Variants in ARHGEF28 observed in about 807,000 individuals in gnomAD.
ARHGEF28 encodes the protein 190 kDa guanine nucleotide exchange factor.
In ARHGEF28, 152 loss-of-function variants were observed where a neutral mutation model predicts 206.6. The observed-to-expected ratio is 0.74, with a 90% CI of 0.64 to 0.84. The LOEUF is 0.84. ARHGEF28 is among the 40% of genes least tolerant of loss of function. The pLI is 0.00. For synonymous variants in ARHGEF28, 763 were observed against 776.4 expected (o/e 0.98, Z 0.29); for missense variants, 2,028 against 2,073.2 (o/e 0.98, Z 0.42).
intron 2 of ARHGEF28, among the ~76,000 whole-genome samples, chr5:73,726,007 A>C (rs1361737025): frequency 6.6e-6 from 1 of 152,242 alleles, no homozygotes; most frequent in Non-Finnish European, 1.5e-5. Flanking sequence ...TTAAACTAGC[A>C]GTCAAGGTGA....
At position 73,836,438 on chromosome 5, in the gene ARHGEF28, G is replaced by T. The variant is rs568993770; in HGVS notation, c.1146+3979G>T. 4.0e-5 allele frequency among the ~76,000 whole-genome samples: 6 copies of T among 151,570 alleles called. No individual in the cohort carries two copies. The South Asian group carries it at 6.2e-4, about 16-fold the overall frequency. ...TTGCATATACCTATTGGCCATTTGT[G>T]TGTGTCATTTTTTGGGAAAATGTCT... On this transcript the variant is annotated intron_variant, in intron 10 of 35. Coordinates refer to ENST00000513042, the MANE Select transcript of ARHGEF28 (RefSeq NM_001177693.2).
chr5:73,917,609 G>T (rs1398291818), intron 35 of ARHGEF28, among the ~76,000 whole-genome samples: 1 of 152,210 alleles, frequency 6.6e-6, no homozygotes, highest in Non-Finnish European at 1.5e-5. Context: ...CTAAGACACA[G>T]CAGGAGAGCA....
intron 1 of ARHGEF28, among the ~76,000 whole-genome samples, chr5:73,668,759 C>T (rs370398200): frequency 2.4e-5 from 1 of 41,008 alleles, no homozygotes; most frequent in Non-Finnish European, 5.1e-5. Flanking sequence ...AGTACTCTTA[C>T]TTGGAAACCC....
intron 26 of ARHGEF28, among the ~76,000 whole-genome samples, chr5:73,890,138 G>A (rs1024759625): frequency 6.6e-6 from 1 of 152,176 alleles, no homozygotes; most frequent in Non-Finnish European, 1.5e-5. Context: ...GTGTTTGTGC[G>A]TGGTTAGTAT....
At chr5:73,759,370 T>C (rs1260289042) in intron 4 of ARHGEF28, among the ~76,000 whole-genome samples, 1 of 152,192 alleles carries the variant, frequency 6.6e-6, no homozygotes. Flanking sequence ...GGCCCACACA[T>C]GTAATGTATA....
At chr5:73,874,519 T>C (rs1760316864) in intron 22 of ARHGEF28, among the ~76,000 whole-genome samples, 1 of 149,486 alleles carries the variant, frequency 6.7e-6, no homozygotes, top group Admixed American at 6.7e-5. Context: ...CTTTAACTCG[T>C]CATTTAGCAT....
chr5:73,766,297 T>C (rs1752898919), intron 4 of ARHGEF28, among the ~76,000 whole-genome samples: 1 of 152,250 alleles, frequency 6.6e-6, no homozygotes, highest in Admixed American at 6.5e-5. Context: ...TAACTTGTAT[T>C]GAAAAATATT....
intron 2 of ARHGEF28, among the ~76,000 whole-genome samples, chr5:73,694,843 G>T (rs957310649): frequency 1.3e-5 from 2 of 152,258 alleles, no homozygotes; most frequent in Admixed American, 6.5e-5. Context: ...GCCATGCACT[G>T]TAAGAGCAGA....
chr5:73,650,327 C>G (rs1205519390), intron 1 of ARHGEF28, among the ~76,000 whole-genome samples: 1 of 136,332 alleles, frequency 7.3e-6, no homozygotes, highest in Non-Finnish European at 1.5e-5. Flanking sequence ...TTCTGTCACC[C>G]AGGCTGGAGT....
At chr5:73,852,587 G>T (rs1449091192) in intron 13 of ARHGEF28, 63 bp from the exon 14 acceptor site, 2 of 1,448,720 alleles carry the variant, frequency 1.4e-6, no homozygotes, top group Non-Finnish European at 1.9e-6. Flanking sequence ...ATGCATTTCA[G>T]ACTAACATAT....
chr5:73,872,160 C>CT (rs1455872724), intron 21 of ARHGEF28, among the ~76,000 whole-genome samples: 1 of 152,058 alleles, frequency 6.6e-6, no homozygotes, highest in African/African-American at 2.4e-5. Context: ...CTGTTTGTTG[C>CT]TTTTTTATTA....
chr5:73,719,830 G>A (rs1003726078), intron 2 of ARHGEF28, among the ~76,000 whole-genome samples: 3 of 152,236 alleles, frequency 2.0e-5, no homozygotes, highest in African/African-American at 4.8e-5. Context: ...CTGGAGGCAA[G>A]CCCTCGGTTG....
At chr5:73,863,187 A>C (rs1453681463) in intron 16 of ARHGEF28, 2 of 152,034 alleles carry the variant, frequency 1.3e-5, no homozygotes, top group African/African-American at 4.8e-5. Flanking sequence ...AATCATATGG[A>C]TATTATGAGA....
At chr5:73,644,975 T>C (rs182092677) in intron 1 of ARHGEF28, among the ~76,000 whole-genome samples, 1,624 of 152,090 alleles carry the variant, frequency 0.011, 14 homozygotes, top group Non-Finnish European at 0.015. Context: ...TTGCGGAGTT[T>C]CTTCTGTGTA....
At chr5:73,896,901 A>G (rs1369706418) in intron 29 of ARHGEF28, among the ~76,000 whole-genome samples, 1 of 152,160 alleles carries the variant, frequency 6.6e-6, no homozygotes, top group Non-Finnish European at 1.5e-5. Flanking sequence ...ACCCAGAGCA[A>G]TGGAGGTGCT....
At chr5:73,806,567 A>T (rs1580643926) in intron 9 of ARHGEF28, among the ~76,000 whole-genome samples, 2 of 139,600 alleles carry the variant, frequency 1.4e-5, no homozygotes, top group Non-Finnish European at 1.5e-5. Context: ...ATATATCTAT[A>T]TATAGTATGT....
intron 1 of ARHGEF28, among the ~76,000 whole-genome samples, chr5:73,653,685 T>C (rs933425055): frequency 2.0e-5 from 3 of 152,212 alleles, no homozygotes; most frequent in Non-Finnish European, 2.9e-5. Flanking sequence ...CTCCTCTCTA[T>C]AGCCCCTATC....
intron 31 of ARHGEF28, chr5:73,902,162 G>T (rs898636000): frequency 6.6e-6 from 1 of 152,110 alleles, no homozygotes; most frequent in Non-Finnish European, 1.5e-5. Context: ...ATCAAGTCAA[G>T]GACTTTTAAA....
chr5:73,909,839 A>C lies in ARHGEF28; in HGVS notation c.4589A>C (p.His1530Pro), dbSNP rs1762781717. The change falls in exon 34 of 36, where the codon CAC becomes CCC. Residue 1530 changes from histidine to proline, a missense_variant. Coordinates refer to ENST00000513042, the MANE Select transcript of ARHGEF28 (RefSeq NM_001177693.2). ...RMRAQQSLLGHWKHGRQRSLP... is the reference protein window; with the variant it reads ...RMRAQQSLLGPWKHGRQRSLP... ...CGGGCCCAGCAGAGCCTGCTGGGCC[A>C]CTGGAAGCACGGCCGGCAGAGGAGC... 1 of 1,540,520 alleles carries C rather than the reference A, an allele frequency of 6.5e-7. No homozygotes were observed. Among genetic ancestry groups the C allele is most frequent in the Middle Eastern group, 2.2e-4 (1 of 4,620 alleles).
Sources: gnomAD v4.1 joint callset for allele counts (sites outside exome capture counted in the v4.1 genomes callset) on GRCh38, gnomAD v4.1.1 for gene constraint, MANE v1.5 for transcripts, NCBI Gene and HGNC (gene_info 2026-07-23, HGNC 2026-07-21) for gene names.